The following SLCO1C1 variants were observed in gnomAD, a reference collection of about 807,000 sequenced individuals.
The protein encoded by SLCO1C1 is OAT-RP-5.
In SLCO1C1, 70 loss-of-function variants were observed where a neutral mutation model predicts 76.4. The ratio of observed to expected loss-of-function variants is 0.92; its 90% confidence interval spans 0.76 to 1.12. SLCO1C1 has a LOEUF of 1.12. Among genes scored for constraint, SLCO1C1 ranks in the 50% most tolerant of loss-of-function variants. The probability of loss-of-function intolerance (pLI) is 0.00; values close to 1 mark genes in which losing one functional copy is unlikely to be tolerated. For missense variants in SLCO1C1, 912 were observed against 823.8 expected (o/e 1.11, Z -1.31); for synonymous variants, 306 against 286.1 (o/e 1.07, Z -0.70).
intron 12 of SLCO1C1, among the ~76,000 whole-genome samples, chr12:20,741,026 A>T (rs1948795685): frequency 6.6e-6 from 1 of 151,900 alleles, no homozygotes; most frequent in African/African-American, 2.4e-5. Flanking sequence ...GGCTTCAGGA[A>T]ACTTAAAATA....
intron 4 of SLCO1C1, among the ~76,000 whole-genome samples, chr12:20,710,223 T>TTTTTTTTTTTC (rs1555122286): frequency 7.5e-6 from 1 of 133,778 alleles, no homozygotes. Context: ...TTTTTTTTTT[T>TTTTTTTTTTTC]TTGAGATGGA....
rs534737819 is a variant in SLCO1C1 at position 20,715,687 on chromosome 12, G to A, written c.676+402G>A. On this transcript the variant is annotated intron_variant, in intron 6 of 14. Coordinates refer to ENST00000266509, the MANE Select transcript of SLCO1C1 (RefSeq NM_017435.5). The stretch of plus-strand genomic sequence containing the variant: ...TTCCATTTGATAAGCCTTGATAAGC[G>A]CTTTCCATTTGATAAGCCCTGATTA... 2.0e-5 allele frequency among the ~76,000 whole-genome samples: 3 copies of A among 152,184 alleles called. No homozygotes were observed. In the South Asian group the frequency reaches 6.2e-4, roughly 32 times the overall value.
Position 20,723,109 on chromosome 12 carries a change from G to A in SLCO1C1, c.1041G>A (p.Lys347=). 6.2e-7 allele frequency: 1 copy of A among 1,602,670 alleles called. No homozygotes were observed. The highest frequency in any genetic ancestry group is 8.5e-7 in the Non-Finnish European group (1 of 1,176,744). The change falls in exon 9 of 15, where the codon AAG becomes AAA. Residue 347 remains lysine (K), a synonymous_variant. Coordinates refer to ENST00000266509, the MANE Select transcript of SLCO1C1 (RefSeq NM_017435.5). ...EMARDFLPSL[K]NLFGNPVYFL... is the part of the protein sequence containing the mutation. ...TTACAGATTTTCTTCCATCACTGAA[G>A]AATCTTTTTGGAAACCCAGTATACT...
intron 9 of SLCO1C1, among the ~76,000 whole-genome samples, chr12:20,724,145 C>T (rs1166267182): frequency 6.6e-6 from 1 of 151,782 alleles, no homozygotes; most frequent in East Asian, 1.9e-4. Context: ...TTACTTTTAA[C>T]ATCAATTGAT....
At chr12:20,722,485 T>A (rs949791065) in intron 8 of SLCO1C1, among the ~76,000 whole-genome samples, 2 of 152,226 alleles carry the variant, frequency 1.3e-5, no homozygotes, top group South Asian at 2.1e-4. Context: ...AGTGTTCTAA[T>A]GAACCCCCTT....
At chr12:20,700,430 T>C (rs1452781521) in intron 2 of SLCO1C1, among the ~76,000 whole-genome samples, 2 of 151,894 alleles carry the variant, frequency 1.3e-5, no homozygotes, top group Non-Finnish European at 1.5e-5. Flanking sequence ...TATTTAGTGA[T>C]AGAAGTTTCT....
chr12:20,700,552 A>C (rs1239801093), intron 2 of SLCO1C1, among the ~76,000 whole-genome samples: 7 of 151,592 alleles, frequency 4.6e-5, no homozygotes, highest in African/African-American at 1.7e-4. Flanking sequence ...GCACCCGTTA[A>C]CTCGTCATTT....
chr12:20,740,333 C>T lies in SLCO1C1; in HGVS notation c.1698C>T (p.Ser566=). ...VISVITSYTL[S]LGGIPGYILL... ...CAGTCATCACATCCTATACTTTATC[C>T]CTAGGTGGCATACCTGGATACATAT... is the stretch of plus-strand genomic sequence containing the variant. Residue 566 remains serine, a synonymous_variant, in exon 12 of 15, where the codon TCC becomes TCT. Coordinates refer to ENST00000266509, the MANE Select transcript of SLCO1C1 (RefSeq NM_017435.5). The T allele has an allele frequency of 6.2e-7, 1 of 1,613,486 alleles. No individual in the cohort carries two copies. Among genetic ancestry groups the T allele is most frequent in the Non-Finnish European group, 8.5e-7 (1 of 1,179,782 alleles).
chr12:20,701,429 G>A lies in SLCO1C1; in HGVS notation c.241G>A (p.Val81Met). The A allele has an allele frequency of 6.5e-7, 1 of 1,537,560 alleles. No individual in the cohort carries two copies. The highest frequency in any genetic ancestry group is 8.9e-7 in the Non-Finnish European group (1 of 1,126,522). ...AAGGTTTGATATCCCTTCTTCACTGGTGGGAGTTATTGATGGTAGTTTTGA... is the reference window on the plus strand; with the variant it reads ...AAGGTTTGATATCCCTTCTTCACTGATGGGAGTTATTGATGGTAGTTTTGA... ...ERRFDIPSSL[V>M]GVIDGSFEIG... is the part of the protein sequence containing the mutation. The change falls in exon 3 of 15, where the codon GTG becomes ATG. Residue 81 changes from valine to methionine, a missense_variant. By Grantham distance (21) the Val-to-Met change is conservative (BLOSUM62 1). Transcript: ENST00000266509.
intron 13 of SLCO1C1, among the ~76,000 whole-genome samples, chr12:20,746,823 T>TTTTTC (rs71442273): frequency 5.3e-5 from 8 of 150,022 alleles, no homozygotes; most frequent in African/African-American, 1.9e-4. Context: ...CTTTTTTTTT[T>TTTTTC]CAAAAACCAT....
At chr12:20,724,154 A>G (rs11045411) in intron 9 of SLCO1C1, among the ~76,000 whole-genome samples, 54,901 of 151,388 alleles carry the variant, frequency 0.36, 10,840 homozygotes, top group African/African-American at 0.49. Context: ...ACATCAATTG[A>G]TTTAAATTAA....
chr12:20,740,092 T>C, intron 11 of SLCO1C1, 92 bp from the exon 12 acceptor site: 1 of 1,224,836 alleles, frequency 8.2e-7, no homozygotes, highest in East Asian at 2.4e-5. Context: ...GTTTACATAA[T>C]GCATGGCTAC....
At chr12:20,721,031 T>C (rs1382560104) in intron 7 of SLCO1C1, among the ~76,000 whole-genome samples, 1 of 144,998 alleles carries the variant, frequency 6.9e-6, no homozygotes, top group African/African-American at 2.5e-5. Flanking sequence ...CTTAAACAGA[T>C]GAAGGGTTGC....
At position 20,702,598 on chromosome 12, in the gene SLCO1C1, A is replaced by T. The variant is rs1453465554; in HGVS notation, c.271+1139A>T. Among the ~76,000 whole-genome samples the T allele has an allele frequency of 5.3e-5, 8 of 151,838 alleles. No individual in the cohort carries two copies. The Admixed American group carries it at 5.3e-4, about 10-fold the overall frequency. On this transcript the variant is annotated intron_variant, in intron 3 of 14. Coordinates refer to ENST00000266509, the MANE Select transcript of SLCO1C1 (RefSeq NM_017435.5). Reference sequence around the variant, plus strand: ...CACATTTTGTGTAGCAGGTTTCCAAAACATCTGATCACATCAATCTTTTAT... The same window carrying T: ...CACATTTTGTGTAGCAGGTTTCCAATACATCTGATCACATCAATCTTTTAT...
chr12:20,752,537 T>C lies in SLCO1C1; in HGVS notation c.*9T>C, dbSNP rs962301128. Reference sequence around the variant, plus strand: ...AGGAAACTCAACTTTAGAAACATGATGACTGGAAGTCATGTCTTCTAATTG... The same window carrying C: ...AGGAAACTCAACTTTAGAAACATGACGACTGGAAGTCATGTCTTCTAATTG... On this transcript the variant is annotated 3_prime_UTR_variant, in exon 15 of 15. Coordinates refer to ENST00000266509, the MANE Select transcript of SLCO1C1 (RefSeq NM_017435.5). 3 of 1,564,502 alleles carry C rather than the reference T, an allele frequency of 1.9e-6. No homozygotes were observed. Among genetic ancestry groups the C allele is most frequent in the African/African-American group, 2.7e-5 (2 of 73,014 alleles).
chr12:20,751,056 A>C (rs1391775324), intron 14 of SLCO1C1, among the ~76,000 whole-genome samples: 1 of 152,160 alleles, frequency 6.6e-6, no homozygotes, highest in Non-Finnish European at 1.5e-5. Flanking sequence ...ATACAGTAGA[A>C]TTTTGAAAGT....
At chr12:20,714,241 T>C (rs1176947426) in intron 5 of SLCO1C1, among the ~76,000 whole-genome samples, 5 of 152,188 alleles carry the variant, frequency 3.3e-5, no homozygotes, top group Non-Finnish European at 1.5e-5. Context: ...TCCTACCTCA[T>C]AGGATTGTTA....
chr12:20,708,781 C>T (rs1035850444), intron 4 of SLCO1C1, among the ~76,000 whole-genome samples: 2 of 152,210 alleles, frequency 1.3e-5, no homozygotes, highest in Admixed American at 6.5e-5. Context: ...AATATGTCAA[C>T]GTTGTTTCTC....
At chr12:20,703,039 C>T (rs866297386) in intron 3 of SLCO1C1, among the ~76,000 whole-genome samples, 2 of 151,884 alleles carry the variant, frequency 1.3e-5, no homozygotes, top group Admixed American at 1.3e-4. Flanking sequence ...TCTTCCAGAC[C>T]ATTCTAGGTA....
Sources: gnomAD v4.1 joint callset for allele counts (sites outside exome capture counted in the v4.1 genomes callset) on GRCh38, gnomAD v4.1.1 for gene constraint, MANE v1.5 for transcripts, NCBI Gene and HGNC (gene_info 2026-07-23, HGNC 2026-07-21) for gene names.